Variants in SCFD2 observed in about 807,000 individuals in gnomAD.
SCFD2 encodes sec1 family domain containing 2, also known as sec1 family domain-containing protein 2.
Under a neutral mutation model 58.9 loss-of-function variants are expected in SCFD2, and 54 were observed. The observed-to-expected ratio is 0.92, with a 90% CI of 0.74 to 1.15. The LOEUF (loss-of-function observed/expected upper bound fraction) is 1.15. Ranked by LOEUF, SCFD2 falls within the 50% of genes most tolerant of loss-of-function variation. The pLI, the probability that SCFD2 is intolerant of heterozygous loss-of-function variation, is 0.00. For synonymous variants in SCFD2, 321 were observed against 335.9 expected (o/e 0.96, Z 0.49); for missense variants, 805 against 836.6 (o/e 0.96, Z 0.47).
At chr4:53,297,775 T>C (rs1249594023) in intron 3 of SCFD2, among the ~76,000 whole-genome samples, 1 of 152,230 alleles carries the variant, frequency 6.6e-6, no homozygotes, top group East Asian at 1.9e-4. Context: ...TGTGGCATGT[T>C]TTTGCAGTGG....
chr4:53,272,415 A>G (rs369911772), intron 4 of SCFD2, among the ~76,000 whole-genome samples: 3 of 152,326 alleles, frequency 2.0e-5, no homozygotes, highest in Admixed American at 1.3e-4. Context: ...TGTTTATTGC[A>G]GCACTATTCA....
rs1242974139 is a variant in SCFD2, at chr4:53,174,959, G to C, written c.1312-29377C>G. On this transcript the variant is annotated intron_variant, in intron 4 of 8. Transcript: ENST00000401642. ...ACAGATGACTGTTTTGCATGTTTGTGACGGACCACAGCTCCATATTGACTA... is the reference window on the plus strand; with the variant it reads ...ACAGATGACTGTTTTGCATGTTTGTCACGGACCACAGCTCCATATTGACTA... Among the ~76,000 whole-genome samples the C allele has an allele frequency of 3.9e-5, 6 of 152,010 alleles. No homozygotes were observed. The East Asian group carries it at 1.2e-3, about 29-fold the overall frequency.
chr4:52,940,399 C>CA (rs1328288265), intron 5 of SCFD2, among the ~76,000 whole-genome samples: 1 of 152,168 alleles, frequency 6.6e-6, no homozygotes, highest in African/African-American at 2.4e-5. Flanking sequence ...GTGGAAATGT[C>CA]AGAGTAGGGG....
intron 4 of SCFD2, among the ~76,000 whole-genome samples, chr4:53,209,283 A>G (rs1728530827): frequency 6.6e-6 from 1 of 152,126 alleles, no homozygotes; most frequent in South Asian, 2.1e-4. Context: ...GCTAAATACA[A>G]TGATACACTA....
At chr4:52,991,785 T>C (rs1254243570) in intron 5 of SCFD2, among the ~76,000 whole-genome samples, 4 of 152,160 alleles carry the variant, frequency 2.6e-5, no homozygotes, top group Non-Finnish European at 5.9e-5. Flanking sequence ...ATGGGAGGCC[T>C]GTGTAGTAAG....
At chr4:53,124,124 C>A (rs1460432988) in intron 5 of SCFD2, among the ~76,000 whole-genome samples, 1 of 152,104 alleles carries the variant, frequency 6.6e-6, no homozygotes, top group Non-Finnish European at 1.5e-5. Flanking sequence ...GACTATGAGA[C>A]CAGTGAGCTA....
intron 5 of SCFD2, among the ~76,000 whole-genome samples, chr4:52,923,470 T>G (rs146144589): frequency 3.3e-5 from 4 of 122,152 alleles, no homozygotes; most frequent in South Asian, 5.5e-4. Flanking sequence ...ACAGTGAGAC[T>G]GCATCTCAAA....
chr4:53,331,509 C>G (rs985769617), intron 2 of SCFD2, among the ~76,000 whole-genome samples: 3 of 152,046 alleles, frequency 2.0e-5, no homozygotes, highest in African/African-American at 7.3e-5. Context: ...GGATACATAA[C>G]GAAATGAAGG....
chr4:53,172,769 T>C (rs1727217839), intron 4 of SCFD2, among the ~76,000 whole-genome samples: 1 of 152,214 alleles, frequency 6.6e-6, no homozygotes, highest in Admixed American at 6.5e-5. Context: ...ATATGATCTA[T>C]CCTGAAGAAT....
intron 4 of SCFD2, among the ~76,000 whole-genome samples, chr4:53,202,651 C>A (rs974062020): frequency 6.6e-6 from 1 of 152,176 alleles, no homozygotes; most frequent in Non-Finnish European, 1.5e-5. Context: ...ATTCCTCCTA[C>A]CCATGAGCAT....
chr4:53,091,996 G>A (rs1724483933), intron 5 of SCFD2, among the ~76,000 whole-genome samples: 3 of 152,086 alleles, frequency 2.0e-5, no homozygotes, highest in Admixed American at 2.0e-4. Flanking sequence ...ATCACTGTGA[G>A]TTTTTAGGCA....
At chr4:53,163,163 T>A (rs1726905442) in intron 4 of SCFD2, among the ~76,000 whole-genome samples, 1 of 152,148 alleles carries the variant, frequency 6.6e-6, no homozygotes, top group South Asian at 2.1e-4. Flanking sequence ...GCTCTGCAGG[T>A]TAGACCAGCA....
chr4:52,920,399 A>C (rs1057332174), intron 6 of SCFD2, among the ~76,000 whole-genome samples: 1 of 152,164 alleles, frequency 6.6e-6, no homozygotes, highest in Non-Finnish European at 1.5e-5. Context: ...CCAGCCCCTC[A>C]TTTGGTACCT....
At chr4:53,177,580 C>A (rs183764314) in intron 4 of SCFD2, among the ~76,000 whole-genome samples, 3 of 152,286 alleles carry the variant, frequency 2.0e-5, no homozygotes, top group East Asian at 1.9e-4. Context: ...CAGCTCCCAG[C>A]GTGAGCAATG....
At chr4:53,155,052 C>T (rs180732046) in intron 4 of SCFD2, among the ~76,000 whole-genome samples, 6 of 152,254 alleles carry the variant, frequency 3.9e-5, no homozygotes, top group East Asian at 1.9e-4. Flanking sequence ...AGAACAAATC[C>T]GTTGTTGTGT....
intron 4 of SCFD2, among the ~76,000 whole-genome samples, chr4:53,181,311 T>A (rs1055827212): frequency 6.6e-6 from 1 of 152,248 alleles, no homozygotes; most frequent in African/African-American, 2.4e-5. Context: ...TCCACCATGA[T>A]CAAGTGGGCT....
At chr4:53,103,030 T>C (rs1277258139) in intron 5 of SCFD2, among the ~76,000 whole-genome samples, 2 of 152,090 alleles carry the variant, frequency 1.3e-5, no homozygotes, top group Non-Finnish European at 2.9e-5. Context: ...GTAATGGAAT[T>C]GAAAATCACC....
chr4:52,912,205 T>C (rs1225937779), intron 6 of SCFD2, among the ~76,000 whole-genome samples: 4 of 152,030 alleles, frequency 2.6e-5, no homozygotes, highest in Admixed American at 2.6e-4. Flanking sequence ...GATGAGATAA[T>C]GAACATTATA....
intron 4 of SCFD2, among the ~76,000 whole-genome samples, chr4:53,249,166 C>T (rs1326101333): frequency 6.6e-6 from 1 of 152,058 alleles, no homozygotes; most frequent in African/African-American, 2.4e-5. Context: ...AATGCAGAAG[C>T]CTCAGGAGCC....
Sources: allele counts gnomAD v4.1 joint callset (sites outside exome capture counted in the v4.1 genomes callset), GRCh38; gene constraint gnomAD v4.1.1; transcripts MANE v1.5; gene names NCBI Gene and HGNC (gene_info 2026-07-23, HGNC 2026-07-21).